The following TCF4 variants were observed in gnomAD, a reference collection of about 807,000 sequenced individuals.
TCF4 encodes the protein SL3-3 enhancer factor 2.
A neutral mutation model predicts 82.1 loss-of-function variants in TCF4; 3 were observed. That is an observed-to-expected ratio of 0.04 (90% CI 0.02 to 0.09). TCF4 has a LOEUF of 0.09. Ranked by LOEUF, TCF4 falls within the 10% of genes least tolerant of loss-of-function variation. The pLI is 1.00. For missense variants in TCF4, 518 were observed against 852.7 expected (o/e 0.61, Z 4.89); for synonymous variants, 276 against 309.6 (o/e 0.89, Z 1.14).
At position 55,559,030 on chromosome 18, in the gene TCF4, T is replaced by C. The variant is rs546476635; in HGVS notation, c.145+26250A>G. 2.1e-4 allele frequency among the ~76,000 whole-genome samples: 29 copies of C among 139,004 alleles called. 1 individual carries two copies. In the South Asian group the frequency reaches 4.5e-3, roughly 22 times the overall value. The allele number at this position is 139,004 out of a possible 152,430, so 91.2% of individuals were successfully genotyped here. On this transcript the variant is annotated intron_variant, in intron 3 of 19. Transcript: ENST00000354452. ...ATAAATAAAAAGTATGGTTTGTATA[T>C]ATCTCCCCCCTAAAAAAAAAAAAAA... is the stretch of plus-strand genomic sequence containing the variant.
intron 3 of TCF4, among the ~76,000 whole-genome samples, chr18:55,465,831 CT>C (rs2096004674): frequency 6.6e-6 from 1 of 152,208 alleles, no homozygotes; most frequent in South Asian, 2.1e-4. Context: ...CGCATCTTGA[CT>C]TTCTTTTCAC....
chr18:55,625,693 T>A (rs1000638527), intron 2 of TCF4, among the ~76,000 whole-genome samples: 1 of 152,242 alleles, frequency 6.6e-6, no homozygotes, highest in Non-Finnish European at 1.5e-5. Context: ...TGTAAATATT[T>A]TTGTTGATGA....
intron 5 of TCF4, among the ~76,000 whole-genome samples, chr18:55,424,856 T>C (rs964492545): frequency 1.3e-5 from 2 of 152,222 alleles, no homozygotes; most frequent in African/African-American, 2.4e-5. Context: ...CTTTAGGAGA[T>C]GCCTGCTCAT....
At chr18:55,393,008 A>ATTCC (rs1178657255) in intron 6 of TCF4, among the ~76,000 whole-genome samples, 6 of 152,330 alleles carry the variant, frequency 3.9e-5, no homozygotes, top group Admixed American at 3.9e-4. Context: ...TTTTACTCTT[A>ATTCC]TTCCTTCTTT....
At chr18:55,365,189 A>ATG (rs1275422832) in intron 6 of TCF4, among the ~76,000 whole-genome samples, 1,146 of 108,444 alleles carry the variant, frequency 0.011, 5 homozygotes, top group Non-Finnish European at 0.015. Context: ...ATATATATAT[A>ATG]TATGTGTGTG....
intron 15 of TCF4, among the ~76,000 whole-genome samples, chr18:55,247,808 G>C (rs2053754746): frequency 6.6e-6 from 1 of 152,222 alleles, no homozygotes; most frequent in Non-Finnish European, 1.5e-5. Context: ...TCAAATAACT[G>C]AGTTTCTCAA....
intron 3 of TCF4, among the ~76,000 whole-genome samples, chr18:55,498,803 A>C (rs1421314482): frequency 3.9e-5 from 6 of 152,220 alleles, no homozygotes; most frequent in Admixed American, 3.9e-4. Flanking sequence ...CACGTAAGAC[A>C]GGAGAGAAAC....
intron 6 of TCF4, among the ~76,000 whole-genome samples, chr18:55,358,658 C>A (rs1240880510): frequency 1.3e-5 from 2 of 152,230 alleles, no homozygotes; most frequent in African/African-American, 2.4e-5. Flanking sequence ...CACTCACCCG[C>A]TATCTTCTGT....
At chr18:55,447,027 C>T (rs1192853115) in intron 5 of TCF4, among the ~76,000 whole-genome samples, 2 of 151,128 alleles carry the variant, frequency 1.3e-5, no homozygotes, top group Non-Finnish European at 3.0e-5. Flanking sequence ...AAATCTTAGC[C>T]AAGCTGGACA....
chr18:55,590,242 G>A (rs1262780700), upstream of TCF4, among the ~76,000 whole-genome samples: 1 of 152,224 alleles, frequency 6.6e-6, no homozygotes, highest in Non-Finnish European at 1.5e-5. Flanking sequence ...TTCTCCCACT[G>A]TGTGGAGCCA....
upstream of TCF4, chr18:55,589,764 G>C: frequency 9.8e-7 from 1 of 1,015,272 alleles, no homozygotes; most frequent in East Asian, 6.8e-5. Flanking sequence ...TTCCCTGAAA[G>C]ATACATTGTA....
chr18:55,554,050 A>G (rs942833099), intron 3 of TCF4, among the ~76,000 whole-genome samples: 11 of 152,184 alleles, frequency 7.2e-5, no homozygotes, highest in African/African-American at 2.4e-4. Context: ...AACAAAACAT[A>G]AAGTCACTCA....
Position 55,228,098 on chromosome 18 carries a change from A to T in TCF4, c.*5-68T>A, listed in dbSNP as rs185507582. Reference sequence around the variant, plus strand: ...GTAACAGAAAAAGTATGCTTTTTTTAAAAAAAATTCTTTTTCCATGAAAGA... The same window carrying T: ...GTAACAGAAAAAGTATGCTTTTTTTTAAAAAAATTCTTTTTCCATGAAAGA... On this transcript the variant is annotated intron_variant, in intron 19 of 19. Coordinates refer to ENST00000354452, the MANE Select transcript of TCF4 (RefSeq NM_001083962.2). 34,045 of 1,255,098 alleles carry T rather than the reference A, an allele frequency of 0.027. 561 individuals carry two copies. The highest frequency in any genetic ancestry group is 0.033 in the Non-Finnish European group (29,322 of 893,980). 77.7% of individuals were successfully genotyped at this position (1,255,098 alleles called of 1,614,324 possible).
chr18:55,591,261 C>T (rs1907397343), upstream of TCF4: 1 of 152,158 alleles, frequency 6.6e-6, no homozygotes, highest in Admixed American at 6.5e-5. Flanking sequence ...CTTTTTGCTG[C>T]ATTATCACAA....
At chr18:55,420,476 A>C (rs2094693823) in intron 5 of TCF4, among the ~76,000 whole-genome samples, 1 of 152,148 alleles carries the variant, frequency 6.6e-6, no homozygotes, top group African/African-American at 2.4e-5. Flanking sequence ...CGGGACAACG[A>C]ATCACCCTGA....
chr18:55,418,274 G>C (rs938973313), intron 5 of TCF4, among the ~76,000 whole-genome samples: 15 of 151,846 alleles, frequency 9.9e-5, no homozygotes, highest in African/African-American at 3.6e-4. Flanking sequence ...GGATAACATT[G>C]CGTCAATGAG....
At chr18:55,383,082 G>A (rs944784804) in intron 6 of TCF4, among the ~76,000 whole-genome samples, 1 of 152,158 alleles carries the variant, frequency 6.6e-6, no homozygotes, top group African/African-American at 2.4e-5. Flanking sequence ...ACTTGGAAAA[G>A]GAGTTGCCTG....
chr18:55,553,895 T>C (rs1328394300), intron 3 of TCF4, among the ~76,000 whole-genome samples: 2 of 152,076 alleles, frequency 1.3e-5, no homozygotes, highest in African/African-American at 2.4e-5. Context: ...GAGAAAGGTA[T>C]GTAAAAGATG....
In TCF4 at chr18:55,313,235, G is replaced by A. The variant is rs192699935; in HGVS notation, c.550-33579C>T. Among the ~76,000 whole-genome samples, 228 of 152,256 alleles carry A rather than the reference G, an allele frequency of 1.5e-3. 1 individual carries two copies. Among genetic ancestry groups the A allele is most frequent in the African/African-American group, 4.8e-3 (200 of 41,558 alleles). ...AACTCAGGAAAGAGTGAGTTAAATAGTTGATATCAAAATTGAGAGTTCATT... is the reference window on the plus strand; with the variant it reads ...AACTCAGGAAAGAGTGAGTTAAATAATTGATATCAAAATTGAGAGTTCATT... On this transcript the variant is annotated intron_variant, in intron 8 of 19. Coordinates refer to ENST00000354452, the MANE Select transcript of TCF4 (RefSeq NM_001083962.2).
Sources: allele counts gnomAD v4.1 joint callset (sites outside exome capture counted in the v4.1 genomes callset), GRCh38; gene constraint gnomAD v4.1.1; transcripts MANE v1.5; gene names NCBI Gene and HGNC (gene_info 2026-07-23, HGNC 2026-07-21).